Variants in TNFRSF10A observed in about 807,000 individuals in gnomAD.
TNFRSF10A encodes TNF receptor superfamily member 10a.
Under a neutral mutation model 42.8 loss-of-function variants are expected in TNFRSF10A, and 44 were observed. The observed-to-expected ratio is 1.03, with a 90% CI of 0.81 to 1.32. The LOEUF (loss-of-function observed/expected upper bound fraction) is 1.32, where lower values mean the gene tolerates loss of function less well. TNFRSF10A is among the 40% of genes most tolerant of loss of function. TNFRSF10A has a pLI of 0.00. For synonymous variants in TNFRSF10A, 259 were observed against 234.2 expected (o/e 1.11, Z -0.97); for missense variants, 680 against 602.0 (o/e 1.13, Z -1.36).
chr8:23,195,816 G>A (rs1372341654), intron 9 of TNFRSF10A, among the ~76,000 whole-genome samples: 6 of 152,072 alleles, frequency 3.9e-5, no homozygotes, highest in African/African-American at 1.4e-4. Context: ...TGGCCATGAG[G>A]TCACCCATGG....
chr8:23,219,872 C>G (rs1241580460), intron 1 of TNFRSF10A, among the ~76,000 whole-genome samples: 1 of 152,218 alleles, frequency 6.6e-6, no homozygotes, highest in Non-Finnish European at 1.5e-5. Flanking sequence ...TTGAGATTCT[C>G]TTCATCTAAG....
chr8:23,218,968 C>G (rs1242920745), intron 1 of TNFRSF10A, among the ~76,000 whole-genome samples: 5 of 152,180 alleles, frequency 3.3e-5, no homozygotes. Context: ...CAATCATTCC[C>G]CTCAATGTTG....
chr8:23,196,448 G>A (rs575190486), intron 9 of TNFRSF10A, among the ~76,000 whole-genome samples: 10 of 152,080 alleles, frequency 6.6e-5, no homozygotes, highest in East Asian at 1.9e-4. Context: ...CGCCCGCCTC[G>A]GCCTCCCAAA....
At chr8:23,202,441 G>A (rs1441264859) in intron 3 of TNFRSF10A, among the ~76,000 whole-genome samples, 1 of 151,872 alleles carries the variant, frequency 6.6e-6, no homozygotes, top group Admixed American at 6.5e-5. Context: ...TACCCTCTTG[G>A]AGCTGATAGT....
chr8:23,198,562 A>G (rs1322435552), intron 8 of TNFRSF10A, among the ~76,000 whole-genome samples: 1 of 152,228 alleles, frequency 6.6e-6, no homozygotes, highest in African/African-American at 2.4e-5. Context: ...TTACGCAAAA[A>G]CAGTGAAAAC....
chr8:23,202,509 A>G, intron 3 of TNFRSF10A, 139 bp downstream of exon 3: 1 of 655,160 alleles, frequency 1.5e-6, no homozygotes, highest in South Asian at 1.8e-5. Flanking sequence ...CATTTTATGG[A>G]CCTAAGACAT....
chr8:23,211,111 A>C (rs1801086894), intron 2 of TNFRSF10A, among the ~76,000 whole-genome samples: 1 of 152,218 alleles, frequency 6.6e-6, no homozygotes, highest in African/African-American at 2.4e-5. Flanking sequence ...AGAAAAGGTA[A>C]AACTTTCTCT....
At chr8:23,215,551 CAAAA>C (rs1801166529) in intron 1 of TNFRSF10A, among the ~76,000 whole-genome samples, 1 of 151,966 alleles carries the variant, frequency 6.6e-6, no homozygotes, top group Admixed American at 6.6e-5. Context: ...AATAAACAAA[CAAAA>C]CAAACAATGA....
rs1385386160 is a variant in TNFRSF10A at position 23,224,861 on chromosome 8, C to T, written c.201G>A (p.Arg67=). 10 of 1,571,312 alleles carry T rather than the reference C, an allele frequency of 6.4e-6. No homozygotes were observed. The highest frequency in any genetic ancestry group is 8.6e-6 in the Non-Finnish European group (10 of 1,158,538). ...TSMGQHGPSA[R]ARAGRAPGPR... is the part of the protein sequence containing the mutation. Reference sequence around the variant, plus strand: ...GTCCTGGGGCGCGCCCTGCCCGGGCCCGGGCACTGGGTCCGTGCTGTCCCA... The same window carrying T: ...GTCCTGGGGCGCGCCCTGCCCGGGCTCGGGCACTGGGTCCGTGCTGTCCCA... The change falls in exon 1 of 10, where the codon CGG becomes CGA. Residue 67 remains arginine (R), a synonymous_variant. Transcript: ENST00000221132.
At chr8:23,198,767 G>A (rs1049561517) in intron 8 of TNFRSF10A, among the ~76,000 whole-genome samples, 1 of 152,194 alleles carries the variant, frequency 6.6e-6, no homozygotes, top group Non-Finnish European at 1.5e-5. Context: ...GCATGTGTGT[G>A]CATGTGCGTG....
intron 2 of TNFRSF10A, 99 bp from the exon 3 acceptor site, chr8:23,202,860 C>A (rs569371605): frequency 1.3e-6 from 1 of 766,072 alleles, no homozygotes; most frequent in Non-Finnish European, 2.3e-6. Flanking sequence ...TCAGTAGACC[C>A]CAGACAGAGA....
chr8:23,212,578 A>G (rs1801106594), intron 1 of TNFRSF10A, among the ~76,000 whole-genome samples: 1 of 152,178 alleles, frequency 6.6e-6, no homozygotes, highest in Non-Finnish European at 1.5e-5. Context: ...CATTGTGTGT[A>G]TATGTATTAC....
In TNFRSF10A at chr8:23,213,436, C is replaced by CTTTTTTTTTTTTTTTTTTTTTTTT. The variant is rs58691757; in HGVS notation, c.307-1248_307-1225dup. Among the ~76,000 whole-genome samples the CTTTTTTTTTTTTTTTTTTTTTTTT allele has an allele frequency of 3.6e-4, 25 of 68,652 alleles. 5 individuals carry two copies. The highest frequency in any genetic ancestry group is 0.01 in the Middle Eastern group (1 of 98). The allele number at this position is 68,652 out of a possible 152,430, so 45.0% of individuals were successfully genotyped here. On this transcript the variant is annotated intron_variant, in intron 1 of 9. Coordinates refer to ENST00000221132, the MANE Select transcript of TNFRSF10A (RefSeq NM_003844.4). ...GCTGGTTTGGGCTTAGTTTGCTCCT[C>CTTTTTTTTTTTTTTTTTTTTTTTT]TTTTTTTTTTTTTTTTTTTTTTTTT...
chr8:23,211,446 C>T (rs1224324360), intron 2 of TNFRSF10A, among the ~76,000 whole-genome samples: 1 of 152,184 alleles, frequency 6.6e-6, no homozygotes, highest in Non-Finnish European at 1.5e-5. Flanking sequence ...GATCAAAAGA[C>T]TTCTCATTGT....
chr8:23,208,237 T>C (rs1172063337), intron 2 of TNFRSF10A, among the ~76,000 whole-genome samples: 3 of 152,172 alleles, frequency 2.0e-5, no homozygotes, highest in African/African-American at 7.2e-5. Flanking sequence ...TGGCATTTTG[T>C]CCCTTCCCTA....
chr8:23,214,485 CA>C (rs11411650), intron 1 of TNFRSF10A, among the ~76,000 whole-genome samples: 92 of 139,690 alleles, frequency 6.6e-4, no homozygotes, highest in African/African-American at 1.5e-3. Context: ...CAGACTGTCT[CA>C]AAAAAAAAAA....
At chr8:23,221,297 A>T (rs1459890815) in intron 1 of TNFRSF10A, among the ~76,000 whole-genome samples, 3 of 152,190 alleles carry the variant, frequency 2.0e-5, no homozygotes, top group African/African-American at 7.2e-5. Context: ...CACCTAGTTT[A>T]TAGGAAGGAG....
intron 1 of TNFRSF10A, among the ~76,000 whole-genome samples, chr8:23,219,206 T>G (rs1585288696): frequency 2.6e-5 from 4 of 152,164 alleles, no homozygotes; most frequent in Middle Eastern, 3.4e-3. Flanking sequence ...AGGGCTCATT[T>G]GTCCTCCCAC....
chr8:23,223,672 GTTTATCCT>G (rs1444760143), intron 1 of TNFRSF10A, among the ~76,000 whole-genome samples: 13 of 152,174 alleles, frequency 8.5e-5, no homozygotes, highest in African/African-American at 3.1e-4. Context: ...TGTAAGACTG[GTTTATCCT>G]TCAGGTACTT....
Sources: allele counts gnomAD v4.1 joint callset (sites outside exome capture counted in the v4.1 genomes callset), GRCh38; gene constraint gnomAD v4.1.1; transcripts MANE v1.5; gene names NCBI Gene and HGNC (gene_info 2026-07-23, HGNC 2026-07-21).